RBFOX1: variants seen among roughly 807,000 people sequenced by gnomAD.
RBFOX1 encodes RNA binding protein fox-1 homolog 1.
A neutral mutation model predicts 57.7 loss-of-function variants in RBFOX1; 8 were observed. The observed-to-expected ratio is 0.14, with a 90% confidence interval of 0.08 to 0.25. RBFOX1 has a LOEUF of 0.25. Ranked by LOEUF, RBFOX1 falls within the 10% of genes least tolerant of loss-of-function variation. The pLI is 1.00. For synonymous variants in RBFOX1, 326 were observed against 222.4 expected (o/e 1.47, Z -4.15); for missense variants, 611 against 548.5 (o/e 1.11, Z -1.14).
chr16:7,281,515 T>C (rs1219019221), intron 4 of RBFOX1, among the ~76,000 whole-genome samples: 3 of 152,108 alleles, frequency 2.0e-5, no homozygotes, highest in Non-Finnish European at 2.9e-5. Flanking sequence ...ATTGCACACA[T>C]ACACACACAA....
At chr16:7,547,613 G>A (rs1002035989) in intron 5 of RBFOX1, among the ~76,000 whole-genome samples, 2 of 152,190 alleles carry the variant, frequency 1.3e-5, no homozygotes, top group East Asian at 3.8e-4. Context: ...TTAGAATCAG[G>A]ATTGAGGCAG....
intron 3 of RBFOX1, among the ~76,000 whole-genome samples, chr16:6,687,332 G>T (rs1603418505): frequency 1.3e-5 from 2 of 152,048 alleles, no homozygotes; most frequent in South Asian, 4.2e-4. Context: ...TGCATATTAG[G>T]TACAATGTAC....
At chr16:6,891,748 A>G (rs192255579) in intron 3 of RBFOX1, among the ~76,000 whole-genome samples, 296 of 152,334 alleles carry the variant, frequency 1.9e-3, no homozygotes, top group Middle Eastern at 0.014. Context: ...ATGAAGGTGC[A>G]ATCTGTCTTC....
rs188211589 is a variant in RBFOX1 at position 6,390,651 on chromosome 16, C to G, written c.-64+73594C>G. ...AATTAGTTGATGCGACAGTATATGGCTAGGTGAGTCTCTAAGCTTAGGTTA... is the reference window on the plus strand; with the variant it reads ...AATTAGTTGATGCGACAGTATATGGGTAGGTGAGTCTCTAAGCTTAGGTTA... On this transcript the variant is annotated intron_variant, in intron 2 of 15. Transcript: ENST00000550418. Among the ~76,000 whole-genome samples, 6 of 152,152 alleles carry G rather than the reference C, an allele frequency of 3.9e-5. No homozygotes were observed. In the East Asian group the frequency reaches 1.2e-3, roughly 29 times the overall value.
intron 2 of RBFOX1, among the ~76,000 whole-genome samples, chr16:6,416,764 A>T (rs1180636067): frequency 6.6e-6 from 1 of 152,178 alleles, no homozygotes; most frequent in African/African-American, 2.4e-5. Flanking sequence ...TACTAATAAC[A>T]TACCTTACAG....
intron 1 of RBFOX1, among the ~76,000 whole-genome samples, chr16:5,441,510 A>G (rs1290569058): frequency 6.6e-6 from 1 of 151,972 alleles, no homozygotes; most frequent in African/African-American, 2.4e-5. Context: ...GGTTACAGGC[A>G]TGTGCCACCA....
intron 3 of RBFOX1, among the ~76,000 whole-genome samples, chr16:7,023,311 T>G (rs531317076): frequency 1.0e-3 from 155 of 151,662 alleles, no homozygotes; most frequent in South Asian, 1.9e-3. Flanking sequence ...ATACAAAAAG[T>G]TAGCTGGGAG....
intron 3 of RBFOX1, among the ~76,000 whole-genome samples, chr16:5,860,627 A>C (rs1268144604): frequency 6.6e-6 from 1 of 152,202 alleles, no homozygotes; most frequent in Non-Finnish European, 1.5e-5. Flanking sequence ...TAAGTTCCAA[A>C]ATAGTGAGGT....
intron 1 of RBFOX1, among the ~76,000 whole-genome samples, chr16:5,427,838 A>T (rs534711427): frequency 6.6e-6 from 1 of 152,170 alleles, no homozygotes; most frequent in Non-Finnish European, 1.5e-5. Flanking sequence ...TGTTAATATC[A>T]TACAAAACTA....
chr16:6,474,271 T>C (rs73524613), intron 2 of RBFOX1, among the ~76,000 whole-genome samples: 3,694 of 152,268 alleles, frequency 0.024, 120 homozygotes, highest in African/African-American at 0.073. Flanking sequence ...GAGGGAATAG[T>C]AATTCATCCC....
At chr16:7,334,345 A>G (rs939146364) in intron 4 of RBFOX1, among the ~76,000 whole-genome samples, 4 of 152,112 alleles carry the variant, frequency 2.6e-5, no homozygotes, top group Non-Finnish European at 5.9e-5. Context: ...TCCCTGGTAT[A>G]CACAGGCCGG....
At chr16:5,615,710 A>T (rs2047998117) in intron 3 of RBFOX1, among the ~76,000 whole-genome samples, 1 of 152,176 alleles carries the variant, frequency 6.6e-6, no homozygotes, top group Non-Finnish European at 1.5e-5. Context: ...GCAGATCCAC[A>T]TTTTGTGGGA....
chr16:6,465,500 A>G (rs1307547265), intron 2 of RBFOX1, among the ~76,000 whole-genome samples: 3 of 152,056 alleles, frequency 2.0e-5, no homozygotes, highest in African/African-American at 2.4e-5. Flanking sequence ...CTACAGCTCA[A>G]TTTCTAAAAT....
At chr16:6,869,871 G>C (rs1178848542) in intron 3 of RBFOX1, among the ~76,000 whole-genome samples, 1 of 152,122 alleles carries the variant, frequency 6.6e-6, no homozygotes, top group East Asian at 1.9e-4. Context: ...AATCTGTTCA[G>C]AACGTATATG....
intron 3 of RBFOX1, among the ~76,000 whole-genome samples, chr16:6,842,613 G>T (rs1219422490): frequency 6.8e-6 from 1 of 147,514 alleles, no homozygotes; most frequent in Non-Finnish European, 1.5e-5. Flanking sequence ...CCAGTTTCCT[G>T]CTGACAGACA....
At chr16:6,456,452 A>C (rs1459262666) in intron 2 of RBFOX1, among the ~76,000 whole-genome samples, 2 of 152,142 alleles carry the variant, frequency 1.3e-5, no homozygotes, top group Non-Finnish European at 2.9e-5. Flanking sequence ...GCGATTATTC[A>C]AGTTTATCAT....
At chr16:6,132,273 G>A (rs144936142) in intron 1 of RBFOX1, among the ~76,000 whole-genome samples, 1 of 151,924 alleles carries the variant, frequency 6.6e-6, no homozygotes, top group East Asian at 1.9e-4. Flanking sequence ...CAGCCCCCTG[G>A]CAGTTAGGTG....
At chr16:6,625,758 C>T (rs1708496625) in intron 2 of RBFOX1, among the ~76,000 whole-genome samples, 1 of 151,200 alleles carries the variant, frequency 6.6e-6, no homozygotes, top group South Asian at 2.1e-4. Flanking sequence ...AGCCTCATTA[C>T]ATTTGCAAGT....
intron 4 of RBFOX1, among the ~76,000 whole-genome samples, chr16:7,437,763 G>A (rs192050184): frequency 1.3e-4 from 20 of 152,046 alleles, no homozygotes; most frequent in Non-Finnish European, 2.9e-4. Context: ...ACTGCTCGAC[G>A]TGGCAAAGAT....
Sources: gnomAD v4.1 joint callset for allele counts (sites outside exome capture counted in the v4.1 genomes callset) on GRCh38, gnomAD v4.1.1 for gene constraint, MANE v1.5 for transcripts, NCBI Gene and HGNC (gene_info 2026-07-23, HGNC 2026-07-21) for gene names.